NEB: variants seen among roughly 807,000 people sequenced by gnomAD.
The protein encoded by NEB is nemaline myopathy type 2.
Under a neutral mutation model 952.2 loss-of-function variants are expected in NEB, and 512 were observed. The ratio of observed to expected loss-of-function variants is 0.54; its 90% CI spans 0.50 to 0.58. The LOEUF is 0.58. NEB is among the 20% of genes least tolerant of loss of function. The pLI is 0.00. For synonymous variants in NEB, 2,900 were observed against 3,149.8 expected (o/e 0.92, Z 2.66); for missense variants, 8,428 against 9,231.1 (o/e 0.91, Z 3.56).
Position 151,730,615 on chromosome 2 carries a change from T to TAAAAAAA in NEB, c.37-960_37-959insTTTTTTT, listed in dbSNP as rs1559717111. ...ATGAAACACTTGGCTCATTTCTTAG[T>TAAAAAAA]GAAAAAAAAAAAAAAAAAAAAAGGA... On this transcript the variant is annotated intron_variant, in intron 3 of 181. Transcript: ENST00000397345. Among the ~76,000 whole-genome samples the TAAAAAAA allele has an allele frequency of 2.7e-5, 2 of 73,560 alleles. 1 individual carries two copies. The allele number at this position is 73,560 out of a possible 152,430, so 48.3% of individuals were successfully genotyped here.
At position 151,547,743 on chromosome 2, in the gene NEB, G is replaced by A. The variant is rs376869270; in HGVS notation, c.20158-5C>T. On this transcript the variant is annotated splice_region_variant and splice_polypyrimidine_tract_variant and intron_variant, in intron 131 of 181. Transcript: ENST00000397345. ...GTACAATTCCCGATACAGTCTCTAC[G>A]TTGGAGGAAATATCATTACAGGCAT... 1.2e-4 allele frequency: 186 copies of A among 1,606,246 alleles called. No individual in the cohort carries two copies. Among genetic ancestry groups the A allele is most frequent in the Non-Finnish European group, 1.5e-4 (173 of 1,174,258 alleles).
At position 151,697,146 on chromosome 2, in the gene NEB, AC is replaced by A; in HGVS notation, c.1470+1del. ...CATTCAAAGTTCAGACTACAGACTT[AC>A]GTCTTTACACTGATCTAGTTTCTTA... On this transcript the variant is annotated splice_donor_variant, in intron 16 of 181. Coordinates refer to ENST00000397345, the MANE Select transcript of NEB (RefSeq NM_001164508.2). LOFTEE classifies it high-confidence loss of function. 3.1e-6 allele frequency: 5 copies of A among 1,608,720 alleles called. No individual in the cohort carries two copies. The highest frequency in any genetic ancestry group is 4.2e-6 in the Non-Finnish European group (5 of 1,176,494).
chr2:151,672,557 T>G lies in NEB; in HGVS notation c.4111A>C (p.Lys1371Gln). The G allele has an allele frequency of 6.2e-7, 1 of 1,614,028 alleles. No homozygotes were observed. Among genetic ancestry groups the G allele is most frequent in the South Asian group, 1.1e-5 (1 of 91,090 alleles). Residue 1371 changes from lysine to glutamine, a missense_variant, in exon 37 of 182, where the codon AAG becomes CAG. This residue lies in a region of NEB where 2,851 missense variants were observed against 2,791.5 expected (regional missense o/e 1.02). Transcript: ENST00000397345. ...GTTTTGGTGTTCTCATAGTTCTTCT[T>G]GTATTCACGATCAGACTGCAGCTTT... ...VAKLQSDREY[K>Q]KNYENTKTSY... is the part of the protein sequence containing the mutation.
intron 165 of NEB, among the ~76,000 whole-genome samples, chr2:151,503,950 A>T (rs1022949905): frequency 3.3e-5 from 5 of 152,190 alleles, no homozygotes; most frequent in African/African-American, 1.2e-4. Flanking sequence ...TGGCTTAATC[A>T]GTTTATTTTT....
intron 113 of NEB, 51 bp from the exon 114 acceptor site, chr2:151,567,530 C>T: frequency 6.6e-7 from 1 of 1,508,768 alleles, no homozygotes; most frequent in South Asian, 1.3e-5. Context: ...GCACACAAGG[C>T]AGAGGGGGCT....
At position 151,650,592 on chromosome 2, in the gene NEB, A is replaced by T. The variant is rs778083630; in HGVS notation, c.7209T>A (p.Val2403=). ...DQNDVVQAKK[V]YELQSENLYK... is the part of the protein sequence containing the mutation. ...AACTGACCTCACTTTGCAGTTCATA[A>T]ACTTTCTTAGCTTGCACAACATCGT... The change falls in exon 53 of 182, where the codon GTT becomes GTA. Residue 2403 remains valine, a synonymous_variant. Coordinates refer to ENST00000397345, the MANE Select transcript of NEB (RefSeq NM_001164508.2). The T allele has an allele frequency of 4.4e-5, 69 of 1,577,708 alleles. No individual in the cohort carries two copies. The highest frequency in any genetic ancestry group is 5.5e-5 in the Non-Finnish European group (64 of 1,163,288).
intron 7 of NEB, 145 bp from the exon 8 acceptor site, chr2:151,724,509 T>G: frequency 3.1e-6 from 2 of 651,998 alleles, no homozygotes; most frequent in South Asian, 3.7e-5. Flanking sequence ...GCCAACATCC[T>G]ATAATACTTT....
intron 13 of NEB, among the ~76,000 whole-genome samples, chr2:151,698,183 T>C (rs2099611158): frequency 6.6e-6 from 1 of 152,244 alleles, no homozygotes; most frequent in African/African-American, 2.4e-5. Context: ...CTAAGTTTCA[T>C]ACATTCCAAA....
At position 151,724,333 on chromosome 2, in the gene NEB, T is replaced by C. The variant is rs200719359; in HGVS notation, c.539A>G (p.Lys180Arg). 6.3e-4 allele frequency: 1,015 copies of C among 1,612,666 alleles called. 21 individuals carry two copies. In the South Asian group the frequency reaches 8.6e-3, roughly 14 times the overall value. The change falls in exon 8 of 182, where the codon AAG becomes AGG. Residue 180 changes from lysine to arginine, a missense_variant. Physicochemically the swap from Lys to Arg is conservative, Grantham distance 26 (BLOSUM62 2). Coordinates refer to ENST00000397345, the MANE Select transcript of NEB (RefSeq NM_001164508.2). ...ATCAGGAGGAAGCAGGTACTTATCCTTGGTGTCTTCCCAGTTCTGCTTGTA... is the reference window on the plus strand; with the variant it reads ...ATCAGGAGGAAGCAGGTACTTATCCCTGGTGTCTTCCCAGTTCTGCTTGTA... ...VLYKQNWEDT[K>R]DKYLLPPDAP...
rs2099172694 is a variant in NEB, at chr2:151,663,786, T to C, written c.5525A>G (p.Lys1842Arg). ...IGFRSLEDDP[K>R]LVHFMQVAKM... ...GGCCACTTGCATGAAGTGCACCAGC[T>C]TGGGGTCATCTTCCAGGCTCCGGAA... Residue 1842 changes from lysine (K) to arginine (R), a missense_variant, in exon 45 of 182, where the codon AAG becomes AGG. Transcript: ENST00000397345. 2 of 1,613,868 alleles carry C rather than the reference T, an allele frequency of 1.2e-6. No homozygotes were observed. Among genetic ancestry groups the C allele is most frequent in the South Asian group, 1.1e-5 (1 of 91,088 alleles).
At chr2:151,699,020 T>A (rs1237902629) in intron 13 of NEB, among the ~76,000 whole-genome samples, 6 of 118,554 alleles carry the variant, frequency 5.1e-5, no homozygotes, top group African/African-American at 1.6e-4. Context: ...CCCTCCCCCC[T>A]CCCCACCACA....
At chr2:151,554,740 G>GT (rs1256795860) in intron 125 of NEB, among the ~76,000 whole-genome samples, 191 bp downstream of exon 125, 2 of 152,136 alleles carry the variant, frequency 1.3e-5, no homozygotes, top group African/African-American at 4.8e-5. Context: ...ACTTGCCACT[G>GT]TGTTACTGTT....
At position 151,493,856 on chromosome 2, in the gene NEB, T is replaced by C; in HGVS notation, c.24591A>G (p.Lys8197=). The part of the protein sequence containing the change: ...NQENISSVLY[K]ENLGKATPTP... ...TGGGGGTTGCTTTCCCCAGGTTCTC[T>C]TTGTATAACACCTGTGAGATACAAA... The change falls in exon 175 of 182, where the codon AAA becomes AAG. Residue 8197 remains lysine, a synonymous_variant. Transcript: ENST00000397345. 6.4e-7 allele frequency: 1 copy of C among 1,564,758 alleles called. No homozygotes were observed. The highest frequency in any genetic ancestry group is 8.7e-7 in the Non-Finnish European group (1 of 1,153,170).
At chr2:151,609,597 CA>C (rs2153969331) in intron 81 of NEB, among the ~76,000 whole-genome samples, 1 of 152,290 alleles carries the variant, frequency 6.6e-6, no homozygotes, top group African/African-American at 2.4e-5. Flanking sequence ...TAAAAACATT[CA>C]GATGATTTAT....
chr2:151,526,315 AT>A, intron 148 of NEB, 53 bp from the exon 149 acceptor site: 1 of 1,214,774 alleles, frequency 8.2e-7, no homozygotes, highest in Non-Finnish European at 1.2e-6. Flanking sequence ...TATCCTACAT[AT>A]TTTTATTACA....
chr2:151,572,980 T>A (rs921059177), intron 107 of NEB, among the ~76,000 whole-genome samples: 5 of 152,056 alleles, frequency 3.3e-5, no homozygotes, highest in Admixed American at 3.3e-4. Flanking sequence ...TACCATCTGA[T>A]AAAAACAAAA....
intron 169 of NEB, 96 bp from the exon 170 acceptor site, chr2:151,498,448 G>A: frequency 1.3e-6 from 1 of 797,034 alleles, no homozygotes; most frequent in Admixed American, 2.7e-5. Context: ...GAGGAAGAGA[G>A]TAAGTTAGAG....
At chr2:151,656,083 T>C (rs2099083110) in intron 49 of NEB, 60 bp from the exon 50 acceptor site, 1 of 1,588,106 alleles carries the variant, frequency 6.3e-7, no homozygotes, top group South Asian at 1.1e-5. Flanking sequence ...AACCATGGCA[T>C]GTAAACAGAC....
At chr2:151,519,187 AT>A (rs1291947214) in intron 154 of NEB, 118 bp from the exon 155 acceptor site, 1 of 736,260 alleles carries the variant, frequency 1.4e-6, no homozygotes. Context: ...ATGAAAAATC[AT>A]ACCTCATTCA....
Sources: gnomAD v4.1 joint callset for allele counts (sites outside exome capture counted in the v4.1 genomes callset) on GRCh38, gnomAD v4.1.1 for gene constraint, gnomAD v4.1.1 regional missense constraint, MANE v1.5 for transcripts, NCBI Gene and HGNC (gene_info 2026-07-23, HGNC 2026-07-21) for gene names.